The following CEP63 variants were observed in gnomAD, a reference collection of about 807,000 sequenced individuals.
The protein encoded by CEP63 is centrosomal protein 63, also known as centrosomal protein of 63 kDa.
A neutral mutation model predicts 89.1 loss-of-function variants in CEP63; 84 were observed. That is an observed-to-expected ratio of 0.94 (90% CI 0.79 to 1.13). CEP63 has a LOEUF of 1.13. Among genes scored for constraint, CEP63 ranks in the 50% most tolerant of loss-of-function variants. The pLI is 0.00. For missense variants in CEP63, 838 were observed against 813.3 expected, an observed-to-expected ratio of 1.03 and a Z score of -0.37; for synonymous variants, 267 against 272.5, an observed-to-expected ratio of 0.98 and a Z score of 0.20.
intron 3 of CEP63, chr3:134,510,899 C>A (rs527866844): frequency 2.5e-5 from 5 of 202,066 alleles, no homozygotes; most frequent in South Asian, 1.7e-4. Context: ...AGCACCCCCC[C>A]AAGAGGGAAG....
the CEP63 span, among the ~76,000 whole-genome samples, chr3:134,767,184 A>G: frequency 1.1e-3 from 164 of 152,260 alleles, no homozygotes; most frequent in African/African-American, 3.8e-3. Context: ...TGGCCTTTCA[A>G]ACCAATGCAT....
At chr3:134,717,303 T>C in the CEP63 span, among the ~76,000 whole-genome samples, 1 of 152,204 alleles carries the variant, frequency 6.6e-6, no homozygotes, top group Non-Finnish European at 1.5e-5. Context: ...TTCTTTGAGG[T>C]TGGCAGTGAT....
chr3:134,650,474 T>A, the CEP63 span, among the ~76,000 whole-genome samples: 3 of 152,154 alleles, frequency 2.0e-5, no homozygotes, highest in African/African-American at 4.8e-5. Context: ...CTGCTACCCA[T>A]GAGTCAGCCC....
At chr3:134,588,568 T>C (rs899755488), downstream of CEP63, among the ~76,000 whole-genome samples, 8 of 152,198 alleles carry the variant, frequency 5.3e-5, no homozygotes, top group South Asian at 2.1e-4. Flanking sequence ...TGGTGTGCAA[T>C]TGAAGTTGTG....
rs1320524326 is a variant in CEP63 at position 134,491,459 on chromosome 3, TTG to T, written c.-25-3834_-25-3833del. 2.0e-5 allele frequency among the ~76,000 whole-genome samples: 3 copies of T among 152,324 alleles called. No individual in the cohort carries two copies. The East Asian group carries it at 5.8e-4, about 29-fold the overall frequency. ...CTTATATATTTGGGTAATTAACCGT[TTG>T]TGGTAAAACTTTCAGGTACTGTTGT... is the stretch of plus-strand genomic sequence containing the variant. On this transcript the variant is annotated intron_variant, in intron 1 of 14. Transcript: ENST00000675561.
the CEP63 span, chr3:134,608,678 G>A: frequency 1.2e-6 from 2 of 1,614,032 alleles, no homozygotes; most frequent in Non-Finnish European, 8.5e-7. Context: ...CTCTGGGTGG[G>A]CACTCAGCAT....
At chr3:134,531,811 A>T in intron 3 of CEP63, 34 bp from the exon 4 acceptor site, 1 of 1,376,122 alleles carries the variant, frequency 7.3e-7, no homozygotes, top group Non-Finnish European at 1.0e-6. Flanking sequence ...TTCAATGCTA[A>T]TAGTGAAAAA....
At chr3:134,740,647 G>A in the CEP63 span, among the ~76,000 whole-genome samples, 1 of 152,022 alleles carries the variant, frequency 6.6e-6, no homozygotes, top group Non-Finnish European at 1.5e-5. Context: ...TTACCTCTCC[G>A]TGTGGTCAGC....
At chr3:134,488,940 G>T (rs1936671839) in intron 1 of CEP63, among the ~76,000 whole-genome samples, 1 of 151,930 alleles carries the variant, frequency 6.6e-6, no homozygotes, top group African/African-American at 2.4e-5. Context: ...GGTGGATCAC[G>T]AGGTCAGGAG....
chr3:134,723,816 G>A, the CEP63 span, among the ~76,000 whole-genome samples: 1 of 152,136 alleles, frequency 6.6e-6, no homozygotes, highest in Non-Finnish European at 1.5e-5. Flanking sequence ...TGGGTGTGGG[G>A]CATATCTGGT....
the CEP63 span, among the ~76,000 whole-genome samples, chr3:134,701,344 GTA>G: frequency 0.68 from 34,656 of 50,860 alleles, 15,152 homozygotes; most frequent in East Asian, 0.87. Flanking sequence ...ACACATATAC[GTA>G]TATATGTGTA....
At chr3:134,656,337 A>T in the CEP63 span, among the ~76,000 whole-genome samples, 1 of 152,196 alleles carries the variant, frequency 6.6e-6, no homozygotes, top group Non-Finnish European at 1.5e-5. Flanking sequence ...TGTCTCAGGA[A>T]GTGAAAGCAG....
At chr3:134,742,246 T>C in the CEP63 span, among the ~76,000 whole-genome samples, 33 of 152,254 alleles carry the variant, frequency 2.2e-4, no homozygotes, top group East Asian at 1.5e-3. Flanking sequence ...CTGGGTCTTC[T>C]TCCATCTGCA....
intron 6 of CEP63, among the ~76,000 whole-genome samples, chr3:134,541,619 A>T (rs1423414720): frequency 6.7e-6 from 1 of 149,786 alleles, no homozygotes; most frequent in African/African-American, 2.5e-5. Flanking sequence ...AGATCAAACG[A>T]TCCTCCTCCT....
the CEP63 span, among the ~76,000 whole-genome samples, chr3:134,675,791 T>C: frequency 4.2e-3 from 633 of 152,348 alleles, 3 homozygotes; most frequent in African/African-American, 0.014. Flanking sequence ...TCAGCATCAT[T>C]AGTCATTAGG....
At position 134,557,376 on chromosome 3, in the gene CEP63, GTTTTTTTTT is replaced by G. The variant is rs199930556; in HGVS notation, c.1468-746_1468-738del. 2.9e-3 allele frequency among the ~76,000 whole-genome samples: 298 copies of G among 101,494 alleles called. 5 individuals are homozygous for G. Among genetic ancestry groups the G allele is most frequent in the South Asian group, 0.016 (52 of 3,194 alleles). The allele number at this position is 101,494 out of a possible 152,430, so 66.6% of individuals were successfully genotyped here. On this transcript the variant is annotated intron_variant, in intron 12 of 14. Coordinates refer to ENST00000675561, the MANE Select transcript of CEP63 (RefSeq NM_001353108.3). Reference sequence around the variant, plus strand: ...CTTGACCAGCTTACTTTCATAATTTGTTTTTTTTTTTTTTTTTTTTTTTTTTTTACAGAA... The same window carrying G: ...CTTGACCAGCTTACTTTCATAATTTGTTTTTTTTTTTTTTTTTTTACAGAA...
At chr3:134,626,877 C>T in the CEP63 span, among the ~76,000 whole-genome samples, 92,547 of 151,786 alleles carry the variant, frequency 0.61, 28,848 homozygotes, top group East Asian at 0.87. Context: ...TGAGCCTTGC[C>T]TCTTTTCAGT....
At chr3:134,692,363 GT>G in the CEP63 span, among the ~76,000 whole-genome samples, 3,634 of 145,260 alleles carry the variant, frequency 0.025, 118 homozygotes, top group African/African-American at 0.085. Flanking sequence ...TGCGGTGTTT[GT>G]TTTTTTTTTG....
chr3:134,727,453 C>T, the CEP63 span, among the ~76,000 whole-genome samples: 22 of 152,070 alleles, frequency 1.4e-4, no homozygotes, highest in Non-Finnish European at 2.9e-4. Context: ...TTTGACAAGG[C>T]CTTGGTTATT....
Sources: gnomAD v4.1 joint callset for allele counts (sites outside exome capture counted in the v4.1 genomes callset) on GRCh38, gnomAD v4.1.1 for gene constraint, MANE v1.5 for transcripts, NCBI Gene and HGNC (gene_info 2026-07-23, HGNC 2026-07-21) for gene names.